The following NEMF variants were observed in gnomAD, a reference collection of about 807,000 sequenced individuals.
NEMF encodes nuclear export mediator factor, also known as ribosome quality control complex subunit NEMF.
Under a neutral mutation model 162.2 loss-of-function variants are expected in NEMF, and 89 were observed. The ratio of observed to expected loss-of-function variants is 0.55; its 90% CI spans 0.46 to 0.65. The LOEUF is 0.65. Among genes scored for constraint, NEMF ranks in the 30% least tolerant of loss-of-function variants. NEMF has a pLI of 0.00. For synonymous variants in NEMF, 421 were observed against 404.5 expected, an observed-to-expected ratio of 1.04 and a Z score of -0.49; for missense variants, 1,133 against 1,261.9, an observed-to-expected ratio of 0.90 and a Z score of 1.55.
At chr14:49,808,061 T>C (rs547172635) in intron 18 of NEMF, among the ~76,000 whole-genome samples, 1 of 152,322 alleles carries the variant, frequency 6.6e-6, no homozygotes, top group African/African-American at 2.4e-5. Flanking sequence ...TGTTGAAACT[T>C]AGGAATTCTT....
Position 49,828,607 on chromosome 14 carries a change from A to G in NEMF, c.1424+9T>C. Reference sequence around the variant, plus strand: ...CACTTGGCCTAAAATGTAAAGTTAAATGACTTACTTTTTGGCATTGGCATA... The same window carrying G: ...CACTTGGCCTAAAATGTAAAGTTAAGTGACTTACTTTTTGGCATTGGCATA... On this transcript the variant is annotated intron_variant, in intron 14 of 32. Coordinates refer to ENST00000298310, the MANE Select transcript of NEMF (RefSeq NM_004713.6). The G allele has an allele frequency of 2.0e-6, 3 of 1,533,602 alleles. No homozygotes were observed. Among genetic ancestry groups the G allele is most frequent in the Non-Finnish European group, 2.6e-6 (3 of 1,147,518 alleles). 95.0% of individuals were successfully genotyped at this position (1,533,602 alleles called of 1,614,324 possible). A position where few individuals can be genotyped will look rare whatever the true frequency, so the allele number is the denominator to read the frequency against.
intron 23 of NEMF, 107 bp downstream of exon 23, chr14:49,800,313 T>C: frequency 2.4e-6 from 2 of 845,772 alleles, no homozygotes; most frequent in South Asian, 1.9e-5. Flanking sequence ...ATTAAGACAA[T>C]GGAGTGTAAA....
chr14:49,836,878 C>G (rs1383753813), intron 6 of NEMF, among the ~76,000 whole-genome samples: 1 of 152,112 alleles, frequency 6.6e-6, no homozygotes, highest in Non-Finnish European at 1.5e-5. Context: ...CGCAATATAG[C>G]CTGGAGGTGA....
In NEMF at chr14:49,842,871, T is replaced by C. The variant is rs943669262; in HGVS notation, c.358-2005A>G. Among the ~76,000 whole-genome samples, 4 of 152,216 alleles carry C rather than the reference T, an allele frequency of 2.6e-5. No individual in the cohort carries two copies. In the South Asian group the frequency reaches 8.3e-4, roughly 32 times the overall value. On this transcript the variant is annotated intron_variant, in intron 4 of 32. Coordinates refer to ENST00000298310, the MANE Select transcript of NEMF (RefSeq NM_004713.6). ...GAGTACAAAAACTAGCTGGGCGTGG[T>C]GGCAGGTGCCTGTAATCCCAGCTAC...
At chr14:49,836,713 G>A (rs908414000) in intron 6 of NEMF, among the ~76,000 whole-genome samples, 20 of 151,992 alleles carry the variant, frequency 1.3e-4, no homozygotes, top group Non-Finnish European at 2.4e-4. Context: ...GAACAGTTAA[G>A]AGGACATGTA....
intron 16 of NEMF, among the ~76,000 whole-genome samples, chr14:49,820,830 G>A (rs1375764049): frequency 6.6e-6 from 1 of 151,998 alleles, no homozygotes; most frequent in Non-Finnish European, 1.5e-5. Flanking sequence ...GTGTTGGCCG[G>A]GCTGGTCTCC....
At chr14:49,829,023 C>A in intron 13 of NEMF, 31 bp downstream of exon 13, 1 of 1,568,702 alleles carries the variant, frequency 6.4e-7, no homozygotes, top group Non-Finnish European at 8.8e-7. Context: ...TAAAGACAAG[C>A]ATTAACTGCT....
chr14:49,845,557 A>G (rs1047585971), intron 4 of NEMF, among the ~76,000 whole-genome samples: 7 of 152,214 alleles, frequency 4.6e-5, no homozygotes, highest in African/African-American at 1.7e-4. Context: ...CTTAAAACAC[A>G]TATCGTACAG....
chr14:49,841,920 A>C (rs1049046677), intron 4 of NEMF, among the ~76,000 whole-genome samples: 1 of 152,160 alleles, frequency 6.6e-6, no homozygotes, highest in Non-Finnish European at 1.5e-5. Context: ...AGCCTGACCA[A>C]CATGGAGAAA....
chr14:49,823,190 T>C lies in NEMF; in HGVS notation c.1577+2677A>G, dbSNP rs1050953333. ...CCTAACCCCCAGTGATCCACCTGTC[T>C]TGGTCTCCCAAAGTGCTAGGATTAC... On this transcript the variant is annotated intron_variant, in intron 16 of 32. Transcript: ENST00000298310. Among the ~76,000 whole-genome samples the C allele has an allele frequency of 1.0e-3, 154 of 152,140 alleles. 1 individual carries two copies. The highest frequency in any genetic ancestry group is 3.6e-3 in the African/African-American group (149 of 41,540).
At chr14:49,818,628 G>T (rs962645846) in intron 16 of NEMF, among the ~76,000 whole-genome samples, 8 of 152,080 alleles carry the variant, frequency 5.3e-5, no homozygotes, top group Non-Finnish European at 1.2e-4. Flanking sequence ...AAGGCCAGAG[G>T]TTAATTTCTC....
chr14:49,838,967 G>C (rs1893055588), intron 5 of NEMF, among the ~76,000 whole-genome samples: 1 of 152,072 alleles, frequency 6.6e-6, no homozygotes. Flanking sequence ...AGTTAGAAAT[G>C]CAAATTCCTG....
intron 6 of NEMF, among the ~76,000 whole-genome samples, chr14:49,837,312 T>C (rs1401722407): frequency 2.0e-5 from 3 of 152,036 alleles, no homozygotes; most frequent in African/African-American, 4.8e-5. Flanking sequence ...ATTTTCACAT[T>C]AGTAATGTTC....
intron 4 of NEMF, among the ~76,000 whole-genome samples, chr14:49,842,246 T>C (rs184273039): frequency 6.7e-6 from 1 of 148,858 alleles, no homozygotes; most frequent in Non-Finnish European, 1.5e-5. Context: ...ATGGAAACAA[T>C]GTTAGAAAAA....
At chr14:49,841,092 G>A (rs1893177632) in intron 4 of NEMF, among the ~76,000 whole-genome samples, 1 of 151,206 alleles carries the variant, frequency 6.6e-6, no homozygotes, top group South Asian at 2.1e-4. Context: ...AGCTACTTGG[G>A]AGGCTGAAGC....
At chr14:49,825,742 AC>A (rs1566686682) in intron 16 of NEMF, 124 bp downstream of exon 16, 2 of 638,168 alleles carry the variant, frequency 3.1e-6, no homozygotes, top group African/African-American at 1.8e-5. Flanking sequence ...AAACAAACCA[AC>A]AAAAAATTGC....
intron 16 of NEMF, among the ~76,000 whole-genome samples, chr14:49,822,512 A>G (rs1165991985): frequency 6.6e-6 from 1 of 150,394 alleles, no homozygotes; most frequent in African/African-American, 2.4e-5. Context: ...CAGAGCTAGG[A>G]CTCTGTCTCA....
intron 3 of NEMF, chr14:49,849,508 C>T (rs1893670710): frequency 6.6e-6 from 1 of 152,226 alleles, no homozygotes; most frequent in African/African-American, 2.4e-5. Context: ...GCAACAGTAA[C>T]AGCTCTTTGA....
rs1188452944 is a variant in NEMF, at chr14:49,829,221, T to C, written c.1065A>G (p.Leu355=). 1.2e-6 allele frequency: 2 copies of C among 1,614,208 alleles called. No homozygotes were observed. Among genetic ancestry groups the C allele is most frequent in the Non-Finnish European group, 1.7e-6 (2 of 1,180,032 alleles). ...KLKGELIEMN[L]QIVDRAIQVV... ...CCTGAATGGCTCTGTCAACTATTTG[T>C]AGGTTCATTTCTATGAGCTCTCCTT... Residue 355 remains leucine, a synonymous_variant, in exon 13 of 33, where the codon CTA becomes CTG. Coordinates refer to ENST00000298310, the MANE Select transcript of NEMF (RefSeq NM_004713.6).
Sources: gnomAD v4.1 joint callset for allele counts (sites outside exome capture counted in the v4.1 genomes callset) on GRCh38, gnomAD v4.1.1 for gene constraint, MANE v1.5 for transcripts, NCBI Gene and HGNC (gene_info 2026-07-23, HGNC 2026-07-21) for gene names.